POLR2F: variants seen among roughly 807,000 people sequenced by gnomAD.
POLR2F encodes DNA-directed RNA polymerases I, II, and III subunit RPABC2.
A neutral mutation model predicts 22.7 loss-of-function variants in POLR2F; 12 were observed. That is an observed-to-expected ratio of 0.53 (90% CI 0.34 to 0.86). The LOEUF (loss-of-function observed/expected upper bound fraction) is 0.86, where lower values mean the gene tolerates loss of function less well. Among genes scored for constraint, POLR2F ranks in the 40% least tolerant of loss-of-function variants. The pLI is 0.02. For synonymous variants in POLR2F, 57 were observed against 66.0 expected (o/e 0.86, Z 0.66); for missense variants, 126 against 171.5 (o/e 0.73, Z 1.48).
At chr22:38,035,188 G>A (rs938950765) in intron 5 of POLR2F, among the ~76,000 whole-genome samples, 5 of 151,956 alleles carry the variant, frequency 3.3e-5, no homozygotes, top group Non-Finnish European at 7.4e-5. Context: ...CTGTGGCATC[G>A]CCTGTGGCAC....
rs1258081199 is a variant in POLR2F, at chr22:38,016,789, G to C, written c.121-9080G>C. ...TGCCCGCATTGTCCCCGCGCTTTTT[G>C]TTTCTACTGTAATGACATGTTGGAA... On this transcript the variant is annotated intron_variant, in intron 1 of 2. Coordinates refer to the POLR2F transcript ENST00000333418. The surrounding 1 kb of genome is among the most constrained non-coding windows in gnomAD (Gnocchi z 4.4). Among the ~76,000 whole-genome samples the C allele has an allele frequency of 6.6e-6, 1 of 150,736 alleles. No individual in the cohort carries two copies. Among genetic ancestry groups the C allele is most frequent in the Non-Finnish European group, 1.5e-5 (1 of 67,706 alleles).
chr22:37,954,682 T>A (rs912012700), intron 1 of POLR2F, among the ~76,000 whole-genome samples: 5 of 152,150 alleles, frequency 3.3e-5, no homozygotes, highest in Admixed American at 6.5e-5. Context: ...TGGTTTTGAA[T>A]TCTGGATATA....
chr22:37,967,552 C>G, intron 4 of POLR2F, 73 bp from the exon 5 acceptor site: 1 of 1,582,214 alleles, frequency 6.3e-7, no homozygotes, highest in Non-Finnish European at 8.6e-7. Context: ...GTGTTTTGCA[C>G]ACAATCTGTT....
intron 1 of POLR2F, among the ~76,000 whole-genome samples, chr22:37,991,222 TCTC>T (rs1473135990): frequency 7.6e-5 from 9 of 117,760 alleles, no homozygotes; most frequent in East Asian, 5.1e-4. Flanking sequence ...CCTGTGCAAT[TCTC>T]CTCCCTCAGC....
chr22:37,971,698 A>C (rs1259266698), downstream of POLR2F, among the ~76,000 whole-genome samples: 1 of 152,128 alleles, frequency 6.6e-6, no homozygotes, highest in Non-Finnish European at 1.5e-5. Context: ...GCAGCAACAC[A>C]GGGCCTATCC....
At chr22:37,989,835 G>C (rs985736415) in intron 1 of POLR2F, among the ~76,000 whole-genome samples, 4 of 152,268 alleles carry the variant, frequency 2.6e-5, no homozygotes, top group African/African-American at 9.6e-5. Flanking sequence ...TCCTCTCCTT[G>C]CCTGGGCCTT....
chr22:37,967,234 T>G, intron 4 of POLR2F, 64 bp downstream of exon 4: 1 of 1,600,740 alleles, frequency 6.2e-7, no homozygotes, highest in Non-Finnish European at 8.5e-7. Context: ...GGGCTCTCTG[T>G]TGCACCCTTT....
chr22:37,981,793 G>C (rs368392321), upstream of POLR2F, among the ~76,000 whole-genome samples: 16 of 152,332 alleles, frequency 1.1e-4, no homozygotes, highest in African/African-American at 3.4e-4. Context: ...TGTGACCTCT[G>C]CTCTTGGGCA....
upstream of POLR2F, among the ~76,000 whole-genome samples, chr22:37,983,061 C>T (rs1003660327): frequency 1.3e-5 from 2 of 152,228 alleles, no homozygotes; most frequent in African/African-American, 4.8e-5. This position sits in a 1 kb window ranked among gnomAD's most constrained non-coding sequence, Gnocchi z 9.5. Context: ...AGGCCTCCTT[C>T]CCTCCCTCCA....
intron 1 of POLR2F, among the ~76,000 whole-genome samples, chr22:38,020,985 T>C: frequency 6.6e-6 from 1 of 152,208 alleles, no homozygotes; most frequent in African/African-American, 2.4e-5. Flanking sequence ...GAGGCTCTTT[T>C]GCGGTTACTC....
intron 3 of POLR2F, among the ~76,000 whole-genome samples, chr22:37,964,044 C>G (rs139874): frequency 0.73 from 111,293 of 151,520 alleles, 42,089 homozygotes; most frequent in African/African-American, 0.93. Context: ...GGAGGTTGCA[C>G]TGAGCCAAGA....
At chr22:37,986,015 T>A, upstream of POLR2F, 2,342 of 679,008 alleles carry the variant, frequency 3.4e-3, no homozygotes, top group Middle Eastern at 0.01. The surrounding 1 kb of genome is among the most constrained non-coding windows in gnomAD (Gnocchi z 4.7). Flanking sequence ...CTGCCAACCC[T>A]CCTCCCCCCG....
chr22:37,989,791 T>C (rs1424558538), intron 1 of POLR2F, among the ~76,000 whole-genome samples: 1 of 152,218 alleles, frequency 6.6e-6, no homozygotes, highest in African/African-American at 2.4e-5. Flanking sequence ...GCCCCTAGGC[T>C]GCAAGTGCAG....
rs7285964 is a variant in POLR2F at position 38,020,819 on chromosome 22, C to A, written c.121-5050C>A. On this transcript the variant is annotated intron_variant, in intron 1 of 2. Coordinates refer to the POLR2F transcript ENST00000333418. The stretch of plus-strand genomic sequence containing the variant: ...ACCTTTTCCCCTCCACCTCCACCCC[C>A]TCTCGTTGCCATGGTTTTCTTGGTT... 3.6e-3 allele frequency among the ~76,000 whole-genome samples: 549 copies of A among 152,278 alleles called. 3 individuals are homozygous for A. Among genetic ancestry groups the A allele is most frequent in the African/African-American group, 0.012 (502 of 41,556 alleles).
At chr22:37,972,309 A>T (rs1421400897), downstream of POLR2F, 1 of 1,178,014 alleles carries the variant, frequency 8.5e-7, no homozygotes, top group Non-Finnish European at 1.1e-6. Flanking sequence ...CTCACCAAGC[A>T]GGTAACCGGA....
At chr22:37,989,640 G>A (rs1294913489) in intron 1 of POLR2F, among the ~76,000 whole-genome samples, 1 of 152,224 alleles carries the variant, frequency 6.6e-6, no homozygotes, top group East Asian at 1.9e-4. Context: ...CTGAGTAGAT[G>A]CTATTATTCT....
At chr22:38,018,630 G>T (rs2084934449) in intron 1 of POLR2F, among the ~76,000 whole-genome samples, 2 of 152,134 alleles carry the variant, frequency 1.3e-5, no homozygotes, top group Admixed American at 1.3e-4. Flanking sequence ...TGACTGTGAG[G>T]TGGCCCAGGC....
At chr22:37,960,326 C>T (rs942072108) in intron 3 of POLR2F, among the ~76,000 whole-genome samples, 3 of 151,910 alleles carry the variant, frequency 2.0e-5, no homozygotes, top group African/African-American at 4.8e-5. Flanking sequence ...CGGGTTCAAG[C>T]GATTGTCCTG....
rs770053298 is a variant in POLR2F at position 37,959,443 on chromosome 22, C to T, written c.188C>T (p.Ala63Val). 3 of 1,614,022 alleles carry T rather than the reference C, an allele frequency of 1.9e-6. No individual in the cohort carries two copies. Among genetic ancestry groups the T allele is most frequent in the Non-Finnish European group, 2.5e-6 (3 of 1,179,980 alleles). Reference protein sequence around the residue: ...TTPYMTKYERARVLGTRALQI... With the variant: ...TTPYMTKYERVRVLGTRALQI... Reference sequence around the variant, plus strand: ...CCATACATGACCAAGTACGAGCGAGCCCGCGTGCTGGGCACCCGAGCGCTC... The same window carrying T: ...CCATACATGACCAAGTACGAGCGAGTCCGCGTGCTGGGCACCCGAGCGCTC... Residue 63 changes from alanine (A) to valine (V), a missense_variant, in exon 3 of 5, where the codon GCC becomes GTC. By Grantham distance (64) the Ala-to-Val change is moderately conservative (BLOSUM62 0). Coordinates refer to ENST00000442738, the MANE Select transcript of POLR2F (RefSeq NM_021974.5).
Sources: allele counts gnomAD v4.1 joint callset (sites outside exome capture counted in the v4.1 genomes callset), GRCh38; gene constraint gnomAD v4.1.1; non-coding constraint Gnocchi (gnomAD v3.1); transcripts MANE v1.5; gene names NCBI Gene and HGNC (gene_info 2026-07-23, HGNC 2026-07-21).